CRYBG2: variants seen among roughly 807,000 people sequenced by gnomAD.
CRYBG2 encodes the protein beta/gamma crystallin domain-containing protein 2.
CRYBG2 carries 106 observed loss-of-function variants against 153.4 expected under a neutral mutation model. The observed-to-expected ratio is 0.69, with a 90% CI of 0.59 to 0.81. CRYBG2 has a LOEUF of 0.81. Among genes scored for constraint, CRYBG2 ranks in the 30% least tolerant of loss-of-function variants. The probability of loss-of-function intolerance (pLI) is 0.00; values close to 1 mark genes in which losing one functional copy is unlikely to be tolerated. For missense variants in CRYBG2, 1,996 were observed against 2,112.0 expected, an observed-to-expected ratio of 0.95 and a Z score of 1.08; for synonymous variants, 851 against 877.8, an observed-to-expected ratio of 0.97 and a Z score of 0.54.
rs1229600416 is a variant in CRYBG2, at chr1:26,336,269, G to A, written c.4072-62C>T. The A allele has an allele frequency of 2.5e-6, 4 of 1,600,896 alleles. No homozygotes were observed. Among genetic ancestry groups the A allele is most frequent in the Non-Finnish European group, 3.4e-6 (4 of 1,172,490 alleles). Reference sequence around the variant, plus strand: ...GATGGAGTGGGGCCGAGAACAGCGGGGAGGGGAAAGGTCCGAAATGAGGGG... The same window carrying A: ...GATGGAGTGGGGCCGAGAACAGCGGAGAGGGGAAAGGTCCGAAATGAGGGG... On this transcript the variant is annotated intron_variant, in intron 13 of 19. Transcript: ENST00000308182. This position sits in a 1 kb window ranked among gnomAD's most constrained non-coding sequence, Gnocchi z 4.9.
chr1:26,349,255 G>A (rs368187554), intron 1 of CRYBG2, among the ~76,000 whole-genome samples: 8 of 152,272 alleles, frequency 5.3e-5, no homozygotes, highest in African/African-American at 1.9e-4. Context: ...CTCTTCCCTC[G>A]ATTCTGTCCT....
intron 15 of CRYBG2, 91 bp downstream of exon 15, chr1:26,331,398 C>A: frequency 1.3e-6 from 2 of 1,536,034 alleles, no homozygotes; most frequent in Non-Finnish European, 1.8e-6. Context: ...TGGAATCAAC[C>A]CCTGCACCAG....
chr1:26,339,331 C>T lies in CRYBG2; in HGVS notation c.3303G>A (p.Glu1101=). The T allele has an allele frequency of 6.2e-7, 1 of 1,614,214 alleles. No homozygotes were observed. The highest frequency in any genetic ancestry group is 8.5e-7 in the Non-Finnish European group (1 of 1,180,030). ...TEALKNSQGL[E]KPLQVASATV... ...TGGCAGATGCCACCTGCAGGGGCTTCTCCAGACCCTGGGAATTCTTCAAGG... is the reference window on the plus strand; with the variant it reads ...TGGCAGATGCCACCTGCAGGGGCTTTTCCAGACCCTGGGAATTCTTCAAGG... Residue 1101 remains glutamate (E), a synonymous_variant, in exon 6 of 20, where the codon GAG becomes GAA. Coordinates refer to ENST00000308182, the MANE Select transcript of CRYBG2 (RefSeq NM_001039775.4).
intron 1 of CRYBG2, among the ~76,000 whole-genome samples, chr1:26,349,181 T>C (rs761594226): frequency 6.6e-6 from 1 of 151,642 alleles, no homozygotes; most frequent in Non-Finnish European, 1.5e-5. Context: ...AATTAAAATT[T>C]TAAAAAAAAA....
Position 26,321,964 on chromosome 1 carries a change from A to G in CRYBG2, c.*4T>C. The G allele has an allele frequency of 6.4e-7, 1 of 1,560,898 alleles. No individual in the cohort carries two copies. Among genetic ancestry groups the G allele is most frequent in the Non-Finnish European group, 8.7e-7 (1 of 1,146,684 alleles). ...TCCAGGGCTGGAGGGTGAGGGGAAAAGTTTCAAAGCACGTGGATAGTCCAG... is the reference window on the plus strand; with the variant it reads ...TCCAGGGCTGGAGGGTGAGGGGAAAGGTTTCAAAGCACGTGGATAGTCCAG... On this transcript the variant is annotated 3_prime_UTR_variant, in exon 20 of 20. Coordinates refer to ENST00000308182, the MANE Select transcript of CRYBG2 (RefSeq NM_001039775.4).
At chr1:26,333,463 G>A (rs985549906) in intron 14 of CRYBG2, among the ~76,000 whole-genome samples, 1 of 152,068 alleles carries the variant, frequency 6.6e-6, no homozygotes, top group Admixed American at 6.6e-5. Flanking sequence ...GTACTCAAGA[G>A]GCTGAGGCAG....
At chr1:26,337,878 A>G in intron 8 of CRYBG2, 134 bp downstream of exon 8, 1 of 1,322,034 alleles carries the variant, frequency 7.6e-7, no homozygotes, top group Non-Finnish European at 1.0e-6. Context: ...TGAGCCCATC[A>G]GGTCCCATCC....
At chr1:26,339,628 C>T (rs1028348112) in intron 5 of CRYBG2, among the ~76,000 whole-genome samples, 199 bp from the exon 6 acceptor site, 1 of 151,790 alleles carries the variant, frequency 6.6e-6, no homozygotes, top group East Asian at 1.9e-4. Flanking sequence ...CCCAGCTACT[C>T]GGGAGCCTGA....
At position 26,326,626 on chromosome 1, in the gene CRYBG2, TA is replaced by T. The variant is rs200204262; in HGVS notation, c.4578+1582del. ...TTATTCCTTAGGACAAGGATAAAGT[TA>T]AAAAAAATGTGATTTTTTTCTTTTT... On this transcript the variant is annotated intron_variant, in intron 17 of 19. Coordinates refer to ENST00000308182, the MANE Select transcript of CRYBG2 (RefSeq NM_001039775.4). 770 of 213,742 alleles carry T rather than the reference TA, an allele frequency of 3.6e-3. 6 individuals carry two copies. The highest frequency in any genetic ancestry group is 0.015 in the African/African-American group (673 of 44,644). 13.2% of individuals were successfully genotyped at this position (213,742 alleles called of 1,614,324 possible).
At chr1:26,322,710 GC>G (rs1353713033) in intron 18 of CRYBG2, among the ~76,000 whole-genome samples, 3 of 152,096 alleles carry the variant, frequency 2.0e-5, no homozygotes, top group Non-Finnish European at 4.4e-5. Context: ...AAAAAGACCT[GC>G]CCCACGGTAC....
chr1:26,327,218 C>G (rs528041530), intron 17 of CRYBG2, among the ~76,000 whole-genome samples: 2 of 152,268 alleles, frequency 1.3e-5, no homozygotes, highest in Non-Finnish European at 2.9e-5. Context: ...CCTGTAATCC[C>G]AGCACTCTGG....
chr1:26,335,433 C>T (rs967152535), intron 14 of CRYBG2, among the ~76,000 whole-genome samples: 2 of 151,638 alleles, frequency 1.3e-5, no homozygotes, highest in African/African-American at 2.4e-5. Flanking sequence ...GCTGAGATCG[C>T]GCCACTGCAC....
chr1:26,323,805 T>C (rs1381995677), intron 18 of CRYBG2, among the ~76,000 whole-genome samples: 3 of 152,108 alleles, frequency 2.0e-5, no homozygotes, highest in African/African-American at 7.2e-5. Context: ...CTCAAACTCC[T>C]GTCCTCAAGC....
In CRYBG2 at chr1:26,322,111, T is replaced by G. The variant is rs749058040; in HGVS notation, c.4897+53A>C. On this transcript the variant is annotated intron_variant, in intron 19 of 19. Coordinates refer to ENST00000308182, the MANE Select transcript of CRYBG2 (RefSeq NM_001039775.4). Reference sequence around the variant, plus strand: ...GGAGATAGTCAGAGAGAGCTGGGACTCCATGGCTCTCAGCCCCCTCAGGAG... The same window carrying G: ...GGAGATAGTCAGAGAGAGCTGGGACGCCATGGCTCTCAGCCCCCTCAGGAG... The G allele has an allele frequency of 2.9e-5, 47 of 1,598,554 alleles. 2 individuals are homozygous for G. Among genetic ancestry groups the G allele is most frequent in the Non-Finnish European group, 3.1e-5 (36 of 1,167,564 alleles).
Position 26,334,523 on chromosome 1 carries a change from G to T in CRYBG2, c.4184+1572C>A, listed in dbSNP as rs180742418. Among the ~76,000 whole-genome samples the T allele has an allele frequency of 2.2e-4, 34 of 152,224 alleles. No homozygotes were observed. In the East Asian group the frequency reaches 5.4e-3, roughly 24 times the overall value. ...AATGAACCTAATTGTATATTAGGTT[G>T]GTGACATAACCACACACACAAAAGT... On this transcript the variant is annotated intron_variant, in intron 14 of 19. Transcript: ENST00000308182.
In CRYBG2 at chr1:26,345,711, T is replaced by C; in HGVS notation, c.947A>G (p.Asp316Gly). The part of the protein sequence containing the change: ...QDAPAACPDR[D>G]QGRAPDARAC... ...CCTGGCATCCGGGGCTCTGCCCTGG[T>C]CTCTGTCCGGACAGGCTGCAGGGGC... Residue 316 changes from aspartate (D) to glycine (G), a missense_variant, in exon 2 of 20, where the codon GAC becomes GGC. Physicochemically the swap from Asp to Gly is moderately conservative, Grantham distance 94. Transcript: ENST00000308182. 1.3e-6 allele frequency: 2 copies of C among 1,597,814 alleles called. No homozygotes were observed. The highest frequency in any genetic ancestry group is 8.5e-7 in the Non-Finnish European group (1 of 1,179,328).
intron 1 of CRYBG2, among the ~76,000 whole-genome samples, chr1:26,348,187 G>A (rs182458501): frequency 1.4e-4 from 21 of 152,308 alleles, no homozygotes; most frequent in African/African-American, 4.1e-4. Context: ...GTGTGCACAC[G>A]TGTGTATGGG....
At position 26,336,644 on chromosome 1, in the gene CRYBG2, C is replaced by T. The variant is rs2074060779; in HGVS notation, c.4000G>A (p.Gly1334Ser). 1 of 1,551,186 alleles carries T rather than the reference C, an allele frequency of 6.4e-7. No individual in the cohort carries two copies. Among genetic ancestry groups the T allele is most frequent in the Non-Finnish European group, 8.7e-7 (1 of 1,147,096 alleles). Reference sequence around the variant, plus strand: ...TGCAGCGAGGCGAGGGTGCTGTTGCCAGCGCCCCAGTCCTCGCAGTTACGA... The same window carrying T: ...TGCAGCGAGGCGAGGGTGCTGTTGCTAGCGCCCCAGTCCTCGCAGTTACGA... ...VYRNCEDWGA[G>S]NSTLASLQPV... The change falls in exon 12 of 20, where the codon GGC becomes AGC. Residue 1334 changes from glycine to serine, a missense_variant. Transcript: ENST00000308182. This position sits in a 1 kb window ranked among gnomAD's most constrained non-coding sequence, Gnocchi z 4.9.
Position 26,343,313 on chromosome 1 carries a change from TAAAGA to T in CRYBG2, c.2914-25_2914-21del. 6.5e-7 allele frequency: 1 copy of T among 1,550,090 alleles called. No individual in the cohort carries two copies. On this transcript the variant is annotated intron_variant, in intron 2 of 19. Transcript: ENST00000308182. This position sits in a 1 kb window ranked among gnomAD's most constrained non-coding sequence, Gnocchi z 4.1. Reference sequence around the variant, plus strand: ...TGGGCTCTGAAACGGAGGCAGGTGATAAAGAAGTCCTGTGGGGTCACCTCTTTTCT... The same window carrying T: ...TGGGCTCTGAAACGGAGGCAGGTGATAGTCCTGTGGGGTCACCTCTTTTCT...
Sources: allele counts gnomAD v4.1 joint callset (sites outside exome capture counted in the v4.1 genomes callset), GRCh38; gene constraint gnomAD v4.1.1; non-coding constraint Gnocchi (gnomAD v3.1); transcripts MANE v1.5; gene names NCBI Gene and HGNC (gene_info 2026-07-23, HGNC 2026-07-21).